RYR3: variants seen among roughly 807,000 people sequenced by gnomAD.
RYR3 encodes the protein brain ryanodine receptor-calcium release channel.
In RYR3, 207 loss-of-function variants were observed where a neutral mutation model predicts 584.3. That is an observed-to-expected ratio of 0.35 (90% CI 0.32 to 0.40). RYR3 has a LOEUF of 0.40. Among genes scored for constraint, RYR3 ranks in the 10% least tolerant of loss-of-function variants. RYR3 has a pLI of 1.00. For synonymous variants in RYR3, 2,416 were observed against 2,248.5 expected (o/e 1.07, Z -2.11); for missense variants, 5,616 against 6,089.2 (o/e 0.92, Z 2.59).
chr15:33,609,778 A>G (rs1595818193), intron 18 of RYR3, among the ~76,000 whole-genome samples: 1 of 152,220 alleles, frequency 6.6e-6, no homozygotes, highest in Admixed American at 6.5e-5. Context: ...GAATTTTAAT[A>G]TATAGATTTT....
chr15:33,431,543 G>A (rs1178575448), intron 1 of RYR3, among the ~76,000 whole-genome samples: 2 of 152,010 alleles, frequency 1.3e-5, no homozygotes, highest in South Asian at 2.1e-4. Flanking sequence ...TGGGCAGATC[G>A]CTTGAGTCCA....
intron 81 of RYR3, among the ~76,000 whole-genome samples, chr15:33,823,785 C>G (rs967996860): frequency 6.6e-6 from 1 of 152,120 alleles, no homozygotes; most frequent in African/African-American, 2.4e-5. Context: ...GTCTAAGATT[C>G]ATATGTATTT....
chr15:33,668,621 A>G (rs1160219488), intron 36 of RYR3, among the ~76,000 whole-genome samples: 1 of 152,236 alleles, frequency 6.6e-6, no homozygotes, highest in Admixed American at 6.5e-5. Context: ...ATTCAATTGA[A>G]AATATTTGAA....
intron 63 of RYR3, among the ~76,000 whole-genome samples, 187 bp from the exon 64 acceptor site, chr15:33,773,347 A>AT (rs796689335): frequency 6.5e-4 from 98 of 150,672 alleles, no homozygotes; most frequent in Non-Finnish European, 8.9e-4. Context: ...TTTTTCCTAT[A>AT]TTTTTTTTTT....
At chr15:33,826,397 CTTAA>C (rs2077382536) in intron 83 of RYR3, 128 bp downstream of exon 83, 6 of 967,086 alleles carry the variant, frequency 6.2e-6, no homozygotes, top group Middle Eastern at 2.1e-4. Flanking sequence ...CAGTTTGGTA[CTTAA>C]TTAAAGAAGT....
At chr15:33,799,981 A>G (rs2075836651) in intron 67 of RYR3, among the ~76,000 whole-genome samples, 1 of 152,202 alleles carries the variant, frequency 6.6e-6, no homozygotes, top group Non-Finnish European at 1.5e-5. Context: ...GAAAATGGCA[A>G]CTCACCCAGC....
At chr15:33,722,684 T>A in intron 43 of RYR3, 31 bp from the exon 44 acceptor site, 1 of 1,592,268 alleles carries the variant, frequency 6.3e-7, no homozygotes. Flanking sequence ...GTCCTTTTCA[T>A]TGAGAAGGAA....
intron 1 of RYR3, among the ~76,000 whole-genome samples, chr15:33,322,079 A>G (rs1969043097): frequency 6.6e-6 from 1 of 152,266 alleles, no homozygotes; most frequent in Non-Finnish European, 1.5e-5. Context: ...TATAGAGTAT[A>G]AAATGCTATG....
intron 20 of RYR3, among the ~76,000 whole-genome samples, chr15:33,625,095 G>A (rs2060916689): frequency 6.6e-6 from 1 of 152,196 alleles, no homozygotes; most frequent in South Asian, 2.1e-4. Context: ...GGCTGGGGAG[G>A]CCTCAGGAAA....
chr15:33,627,220 A>G (rs951814141), intron 20 of RYR3, among the ~76,000 whole-genome samples: 2 of 152,162 alleles, frequency 1.3e-5, no homozygotes, highest in Non-Finnish European at 2.9e-5. Flanking sequence ...GAAATGAGAA[A>G]TCTGGAATTT....
chr15:33,731,415 A>G, intron 47 of RYR3, 59 bp from the exon 48 acceptor site: 1 of 1,277,170 alleles, frequency 7.8e-7, no homozygotes, highest in Non-Finnish European at 1.1e-6. Context: ...CTCTGTGCAG[A>G]GCCAGCTTTG....
intron 2 of RYR3, among the ~76,000 whole-genome samples, chr15:33,489,694 G>T (rs540878252): frequency 6.6e-6 from 1 of 152,288 alleles, no homozygotes; most frequent in South Asian, 2.1e-4. Context: ...ATTCTAGAAT[G>T]ATTTCTATTC....
intron 38 of RYR3, among the ~76,000 whole-genome samples, chr15:33,678,037 A>G (rs1335644928): frequency 6.6e-6 from 1 of 152,198 alleles, no homozygotes; most frequent in Admixed American, 6.5e-5. Flanking sequence ...GGCTTGGGTT[A>G]AGAAGGGCCA....
chr15:33,613,069 A>G, intron 18 of RYR3, 114 bp from the exon 19 acceptor site: 1 of 690,050 alleles, frequency 1.4e-6, no homozygotes, highest in Non-Finnish European at 2.5e-6. Flanking sequence ...GTACCTCCGG[A>G]CCTCTTGAGT....
At chr15:33,355,511 A>T (rs1973851901) in intron 1 of RYR3, among the ~76,000 whole-genome samples, 1 of 152,244 alleles carries the variant, frequency 6.6e-6, no homozygotes, top group Non-Finnish European at 1.5e-5. Flanking sequence ...GAAAGCTGAC[A>T]TCGCTAATAA....
intron 60 of RYR3, among the ~76,000 whole-genome samples, chr15:33,766,913 T>C (rs1358150414): frequency 3.9e-5 from 6 of 152,206 alleles, no homozygotes; most frequent in African/African-American, 1.2e-4. Flanking sequence ...AAGACGGTGC[T>C]TCCAGTTAAA....
intron 7 of RYR3, among the ~76,000 whole-genome samples, chr15:33,541,621 A>G (rs979748782): frequency 6.6e-6 from 1 of 152,176 alleles, no homozygotes; most frequent in Non-Finnish European, 1.5e-5. Context: ...AAAAATACTC[A>G]TCACAGGCTT....
At chr15:33,369,305 A>G (rs1671976687) in intron 1 of RYR3, among the ~76,000 whole-genome samples, 1 of 152,106 alleles carries the variant, frequency 6.6e-6, no homozygotes, top group African/African-American at 2.4e-5. Flanking sequence ...TAGCCTACCC[A>G]AACCCAGCCA....
rs549201510 is a variant in RYR3, at chr15:33,588,166, G to A, written c.1788+2050G>A. Among the ~76,000 whole-genome samples, 38 of 152,146 alleles carry A rather than the reference G, an allele frequency of 2.5e-4. 1 individual carries two copies. In the South Asian group the frequency reaches 7.3e-3, roughly 29 times the overall value. On this transcript the variant is annotated intron_variant, in intron 16 of 103. Coordinates refer to ENST00000634891, the MANE Select transcript of RYR3 (RefSeq NM_001036.6). ...GTGTATCTTATTCAGTTCTCATTAC[G>A]ACCTTATGACATAGCATCATTATTA... is the stretch of plus-strand genomic sequence containing the variant.
Sources: allele counts gnomAD v4.1 joint callset (sites outside exome capture counted in the v4.1 genomes callset), GRCh38; gene constraint gnomAD v4.1.1; transcripts MANE v1.5; gene names NCBI Gene and HGNC (gene_info 2026-07-23, HGNC 2026-07-21).